Variants in TMEM135 observed in about 807,000 individuals in gnomAD.
The protein encoded by TMEM135 is transmembrane protein 135.
In TMEM135, 30 loss-of-function variants were observed where a neutral mutation model predicts 60.3. The ratio of observed to expected loss-of-function variants is 0.50; its 90% CI spans 0.37 to 0.68. TMEM135 has a LOEUF of 0.68. Ranked by LOEUF, TMEM135 falls within the 30% of genes least tolerant of loss-of-function variation. The probability of loss-of-function intolerance (pLI) is 0.00; values close to 1 mark genes in which losing one functional copy is unlikely to be tolerated. For synonymous variants in TMEM135, 190 were observed against 186.7 expected, an observed-to-expected ratio of 1.02 and a Z score of -0.14; for missense variants, 468 against 548.8, an observed-to-expected ratio of 0.85 and a Z score of 1.47.
chr11:87,223,993 A>G (rs1229325873), intron 5 of TMEM135, among the ~76,000 whole-genome samples: 1 of 152,212 alleles, frequency 6.6e-6, no homozygotes, highest in Non-Finnish European at 1.5e-5. Context: ...TATGAGCAAT[A>G]CCATGCCTAA....
intron 5 of TMEM135, among the ~76,000 whole-genome samples, chr11:87,236,176 A>G (rs1940991163): frequency 6.6e-6 from 1 of 151,790 alleles, no homozygotes; most frequent in Non-Finnish European, 1.5e-5. Flanking sequence ...TCCCGTCTAT[A>G]TATGTATGTA....
chr11:87,074,908 G>A (rs1379691949), intron 3 of TMEM135, among the ~76,000 whole-genome samples: 1 of 152,094 alleles, frequency 6.6e-6, no homozygotes, highest in African/African-American at 2.4e-5. Context: ...CAAGGTTGAT[G>A]TGTGTTGATG....
At chr11:87,178,743 G>T (rs1260933489) in intron 5 of TMEM135, among the ~76,000 whole-genome samples, 2 of 151,990 alleles carry the variant, frequency 1.3e-5, no homozygotes, top group East Asian at 3.9e-4. Flanking sequence ...TGTTTTTGAG[G>T]TTCATTCATA....
chr11:87,084,913 G>T (rs1207166981), intron 3 of TMEM135, among the ~76,000 whole-genome samples: 2 of 152,128 alleles, frequency 1.3e-5, no homozygotes, highest in African/African-American at 4.8e-5. Flanking sequence ...GCCATCATCT[G>T]TTCTAATGGG....
intron 6 of TMEM135, among the ~76,000 whole-genome samples, chr11:87,251,218 A>G (rs954649753): frequency 2.0e-5 from 3 of 152,062 alleles, no homozygotes; most frequent in South Asian, 2.1e-4. Flanking sequence ...GCATGTAGAT[A>G]TTAGTTTAAA....
chr11:87,120,110 C>CTTTTTTTTTTTTTTTTTTTTTTTTTTTTT (rs770897413), intron 4 of TMEM135, among the ~76,000 whole-genome samples: 1 of 130,910 alleles, frequency 7.6e-6, no homozygotes, highest in Admixed American at 8.5e-5. Flanking sequence ...TTTTTTTCTT[C>CTTTTTTTTTTTTTTTTTTTTTTTTTTTTT]TTCTTCTTTT....
intron 4 of TMEM135, among the ~76,000 whole-genome samples, chr11:87,101,881 G>A (rs1857465686): frequency 1.3e-5 from 2 of 152,186 alleles, no homozygotes; most frequent in South Asian, 4.1e-4. Flanking sequence ...ACTGAGGCAG[G>A]AGAATAGCTT....
chr11:87,324,168 C>T lies in TMEM135; in HGVS notation c.*2835C>T, dbSNP rs4636701. 0.058 allele frequency: 26,448 copies of T among 453,918 alleles called. 1,643 individuals carry two copies. The highest frequency in any genetic ancestry group is 0.19 in the African/African-American group (9,358 of 50,020). The allele number at this position is 453,918 out of a possible 1,614,324, so 28.1% of individuals were successfully genotyped here. A position where few individuals can be genotyped will look rare whatever the true frequency, so the allele number is the denominator to read the frequency against. ...CATTTCATTTAGTTGTTAATGCTGA[C>T]GTAATTGTTTCCTGCTTATATTTTA... On this transcript the variant is annotated 3_prime_UTR_variant, in exon 15 of 15. Coordinates refer to ENST00000305494, the MANE Select transcript of TMEM135 (RefSeq NM_022918.4).
chr11:87,234,716 C>G (rs1940957950), intron 5 of TMEM135, among the ~76,000 whole-genome samples: 1 of 151,992 alleles, frequency 6.6e-6, no homozygotes, highest in Non-Finnish European at 1.5e-5. Flanking sequence ...TATAAAGTAT[C>G]TAGAGTTACC....
intron 3 of TMEM135, among the ~76,000 whole-genome samples, chr11:87,073,652 T>C (rs765289585): frequency 5.9e-5 from 9 of 152,134 alleles, no homozygotes; most frequent in Non-Finnish European, 1.2e-4. Flanking sequence ...TGATAATCTA[T>C]TTGTAGGATT....
rs552630554 is a variant in TMEM135 at position 87,136,319 on chromosome 11, A to G, written c.397-21022A>G. Among the ~76,000 whole-genome samples, 72 of 152,128 alleles carry G rather than the reference A, an allele frequency of 4.7e-4. No homozygotes were observed. The South Asian group carries it at 7.7e-3, about 16-fold the overall frequency. ...TTTTTAGCTTAATATAGTGAATTAC[A>G]TTGCTTGATGTTTGGCCTTGTATCC... On this transcript the variant is annotated intron_variant, in intron 4 of 14. Coordinates refer to ENST00000305494, the MANE Select transcript of TMEM135 (RefSeq NM_022918.4).
chr11:87,324,352 C>T lies in TMEM135; in HGVS notation c.*3019C>T, dbSNP rs2134546741. 2.2e-6 allele frequency: 1 copy of T among 454,030 alleles called. No homozygotes were observed. The highest frequency in any genetic ancestry group is 1.6e-5 in the South Asian group (1 of 64,474). 28.1% of individuals were successfully genotyped at this position (454,030 alleles called of 1,614,324 possible). A position where few individuals can be genotyped will look rare whatever the true frequency, so the allele number is the denominator to read the frequency against. ...GACTGAAGGGAACTGACCACTGGAG[C>T]AATGGCCCAAATGTTGTTTTTGGAG... On this transcript the variant is annotated 3_prime_UTR_variant, in exon 15 of 15. Transcript: ENST00000305494.
At chr11:87,105,826 T>C (rs1857580705) in intron 4 of TMEM135, among the ~76,000 whole-genome samples, 1 of 152,206 alleles carries the variant, frequency 6.6e-6, no homozygotes, top group Non-Finnish European at 1.5e-5. Flanking sequence ...AAATATACTG[T>C]TGTCAACTAT....
chr11:87,260,006 T>G (rs893756088), intron 6 of TMEM135, among the ~76,000 whole-genome samples: 2 of 152,050 alleles, frequency 1.3e-5, no homozygotes, highest in Non-Finnish European at 2.9e-5. Flanking sequence ...CAGCTTTGGG[T>G]TTTCAAGCTT....
At chr11:87,182,370 A>G (rs1236125944) in intron 5 of TMEM135, among the ~76,000 whole-genome samples, 2 of 152,160 alleles carry the variant, frequency 1.3e-5, no homozygotes, top group Non-Finnish European at 2.9e-5. Flanking sequence ...TTCATCTATT[A>G]CAGGTTGTTG....
At chr11:87,082,648 C>T (rs1296420562) in intron 3 of TMEM135, among the ~76,000 whole-genome samples, 1 of 152,130 alleles carries the variant, frequency 6.6e-6, no homozygotes, top group Non-Finnish European at 1.5e-5. Flanking sequence ...GAAGTAGATT[C>T]ATGTGTGAAA....
At chr11:87,289,437 C>CTTTTTTTTTTTTTT (rs376999371) in intron 6 of TMEM135, among the ~76,000 whole-genome samples, 3 of 87,606 alleles carry the variant, frequency 3.4e-5, no homozygotes, top group African/African-American at 5.9e-5. Context: ...ATCTCCATAT[C>CTTTTTTTTTTTTTT]TTTTTTTTTT....
chr11:87,167,751 A>C (rs1231134547), intron 5 of TMEM135, among the ~76,000 whole-genome samples: 2 of 152,026 alleles, frequency 1.3e-5, no homozygotes, highest in African/African-American at 4.8e-5. Context: ...TTCATCAGGG[A>C]TATTGGCCTG....
Position 87,327,089 on chromosome 11 carries a change from G to C in TMEM135, c.*5756G>C, listed in dbSNP as rs1336195135. 1 of 453,912 alleles carries C rather than the reference G, an allele frequency of 2.2e-6. No homozygotes were observed. Among genetic ancestry groups the C allele is most frequent in the East Asian group, 7.0e-5 (1 of 14,384 alleles). The allele number at this position is 453,912 out of a possible 1,614,324, so 28.1% of individuals were successfully genotyped here. Reference sequence around the variant, plus strand: ...CCAGGGATGAATCATAATTGTTCTAGGCCTTTCATGTCTTTCCTTTCTTCT... The same window carrying C: ...CCAGGGATGAATCATAATTGTTCTACGCCTTTCATGTCTTTCCTTTCTTCT... On this transcript the variant is annotated 3_prime_UTR_variant, in exon 15 of 15. Coordinates refer to ENST00000305494, the MANE Select transcript of TMEM135 (RefSeq NM_022918.4).
Sources: allele counts gnomAD v4.1 joint callset (sites outside exome capture counted in the v4.1 genomes callset), GRCh38; gene constraint gnomAD v4.1.1; transcripts MANE v1.5; gene names NCBI Gene and HGNC (gene_info 2026-07-23, HGNC 2026-07-21).